ZNF469: variants seen among roughly 807,000 people sequenced by gnomAD.
The protein encoded by ZNF469 is zinc finger protein 469.
Under a neutral mutation model 1.0 loss-of-function variants are expected in ZNF469, and 1 was observed. That is an observed-to-expected ratio of 1.00 (90% CI 0.35 to 4.73). The LOEUF is 4.73. ZNF469 is among the 30% of genes most tolerant of loss of function. The pLI is 0.16. For synonymous variants in ZNF469, 2,703 were observed against 2,363.4 expected, an observed-to-expected ratio of 1.14 and a Z score of -4.17; for missense variants, 6,100 against 5,356.3, an observed-to-expected ratio of 1.14 and a Z score of -4.33.
chr16:88,229,690 G>A, the ZNF469 span, among the ~76,000 whole-genome samples: 4 of 151,576 alleles, frequency 2.6e-5, no homozygotes, highest in South Asian at 2.1e-4. Context: ...GATGCCATAC[G>A]TGTGGATGTC....
chr16:88,375,801 C>T, the ZNF469 span, among the ~76,000 whole-genome samples: 11 of 152,228 alleles, frequency 7.2e-5, no homozygotes, highest in East Asian at 5.8e-4. Flanking sequence ...AGGAAATCGT[C>T]TGACTGCCGA....
At chr16:88,130,168 C>G in the ZNF469 span, among the ~76,000 whole-genome samples, 14 of 152,188 alleles carry the variant, frequency 9.2e-5, no homozygotes, top group Non-Finnish European at 1.8e-4. Flanking sequence ...TCCCAGATGG[C>G]AGCTTGCAGC....
In ZNF469 at chr16:88,432,922, G is replaced by A; in HGVS notation, c.5452G>A (p.Asp1818Asn). ...AFQGDGAPPL[D>N]ATWPFGASPS... ...TCAGGGTGACGGGGCTCCACCTCTG[G>A]ATGCCACCTGGCCTTTTGGTGCCAG... The change falls in exon 3 of 3, where the codon GAT (aspartate) becomes AAT (asparagine). Residue 1818 changes from aspartate to asparagine, a missense_variant. Asp to Asn is a conservative substitution (Grantham distance 23). Transcript: ENST00000565624. The A allele has an allele frequency of 6.4e-7, 1 of 1,550,394 alleles. No individual in the cohort carries two copies. Among genetic ancestry groups the A allele is most frequent in the Non-Finnish European group, 8.7e-7 (1 of 1,146,976 alleles).
the ZNF469 span, among the ~76,000 whole-genome samples, chr16:88,150,073 C>G: frequency 6.6e-6 from 1 of 152,142 alleles, no homozygotes; most frequent in African/African-American, 2.4e-5. Flanking sequence ...TTTGAGAGGC[C>G]GAGGCGGGTG....
the ZNF469 span, among the ~76,000 whole-genome samples, chr16:88,286,592 C>A: frequency 6.6e-6 from 1 of 152,262 alleles, no homozygotes; most frequent in Admixed American, 6.5e-5. Flanking sequence ...TTTGTCAGTG[C>A]AGGTGGGGGA....
At chr16:88,163,812 G>C in the ZNF469 span, among the ~76,000 whole-genome samples, 1 of 151,906 alleles carries the variant, frequency 6.6e-6, no homozygotes, top group Non-Finnish European at 1.5e-5. Context: ...TGAGTGGATG[G>C]GTGGCTGGAT....
At chr16:88,214,394 C>T in the ZNF469 span, among the ~76,000 whole-genome samples, 4 of 151,792 alleles carry the variant, frequency 2.6e-5, no homozygotes, top group Non-Finnish European at 5.9e-5. Context: ...GTCAGGGTGA[C>T]TCTGGGCATT....
intron 1 of ZNF469, among the ~76,000 whole-genome samples, chr16:88,411,510 A>G (rs1270201760): frequency 5.8e-5 from 1 of 17,162 alleles, no homozygotes; most frequent in African/African-American, 1.2e-4. Flanking sequence ...GGGTGCAAGC[A>G]GGCAGGGGTG....
At chr16:88,234,857 T>C in the ZNF469 span, 1 of 152,078 alleles carries the variant, frequency 6.6e-6, no homozygotes, top group African/African-American at 2.4e-5. Context: ...CAAGCAATCG[T>C]GCCTGACTCA....
At chr16:88,324,074 G>A in the ZNF469 span, among the ~76,000 whole-genome samples, 1 of 152,202 alleles carries the variant, frequency 6.6e-6, no homozygotes, top group Non-Finnish European at 1.5e-5. Context: ...GCTGGGCTGG[G>A]GTGAGATCCG....
the ZNF469 span, chr16:88,177,931 G>C: frequency 1.3e-5 from 2 of 152,196 alleles, no homozygotes; most frequent in African/African-American, 4.8e-5. The surrounding 1 kb of genome is among the most constrained non-coding windows in gnomAD (Gnocchi z 4.8). Context: ...GGCTGGTCTT[G>C]AGCTCCTGAC....
At chr16:88,194,079 C>G in the ZNF469 span, among the ~76,000 whole-genome samples, 5 of 152,216 alleles carry the variant, frequency 3.3e-5, no homozygotes, top group African/African-American at 1.2e-4. Flanking sequence ...TGCAATCACT[C>G]TTTAAGCTCC....
At chr16:88,157,843 G>A in the ZNF469 span, among the ~76,000 whole-genome samples, 120,493 of 151,166 alleles carry the variant, frequency 0.8, 49,948 homozygotes, top group Non-Finnish European at 0.93. Flanking sequence ...TGCCATGCCC[G>A]TACAAAGTGC....
rs1465299707 is a variant in ZNF469 at position 88,434,324 on chromosome 16, C to T, written c.6854C>T (p.Ala2285Val). ...GAVSPSVAVR[A>V]TGLSSTPTGD... ...GTCTCCCCCAGCGTGGCCGTCAGGG[C>T]TACTGGCCTGTCCAGCACTCCCACC... The change falls in exon 3 of 3, where the codon GCT becomes GTT. Residue 2285 changes from alanine (A) to valine (V), a missense_variant. Ala to Val is a moderately conservative substitution (Grantham distance 64). Coordinates refer to ENST00000565624, the MANE Select transcript of ZNF469 (RefSeq NM_001367624.2). 7.1e-6 allele frequency: 11 copies of T among 1,550,224 alleles called. No individual in the cohort carries two copies. The highest frequency in any genetic ancestry group is 9.6e-6 in the Non-Finnish European group (11 of 1,146,974).
At chr16:88,420,344 A>G (rs1218533802) in intron 1 of ZNF469, among the ~76,000 whole-genome samples, 1 of 152,102 alleles carries the variant, frequency 6.6e-6, no homozygotes, top group Non-Finnish European at 1.5e-5. Context: ...GACCGTTCAC[A>G]AGGAGGAGGA....
chr16:88,256,843 C>G, the ZNF469 span, among the ~76,000 whole-genome samples: 2 of 150,640 alleles, frequency 1.3e-5, no homozygotes, highest in African/African-American at 4.9e-5. Context: ...TTCCTTCCTT[C>G]CTTTCTTCCT....
At chr16:88,147,737 T>A in the ZNF469 span, among the ~76,000 whole-genome samples, 3 of 152,110 alleles carry the variant, frequency 2.0e-5, no homozygotes, top group African/African-American at 7.3e-5. Context: ...ACTGTGAGCA[T>A]GTTGGATGCA....
At chr16:88,205,782 G>T in the ZNF469 span, among the ~76,000 whole-genome samples, 1 of 152,226 alleles carries the variant, frequency 6.6e-6, no homozygotes, top group African/African-American at 2.4e-5. The surrounding 1 kb of genome is among the most constrained non-coding windows in gnomAD (Gnocchi z 4.2). Flanking sequence ...TTTCTGAGCA[G>T]TCATGGGGGG....
At chr16:88,119,312 C>G in the ZNF469 span, among the ~76,000 whole-genome samples, 1 of 152,206 alleles carries the variant, frequency 6.6e-6, no homozygotes, top group African/African-American at 2.4e-5. Flanking sequence ...GCTTCATCCC[C>G]GCACTCTTCC....
Sources: gnomAD v4.1 joint callset for allele counts (sites outside exome capture counted in the v4.1 genomes callset) on GRCh38, gnomAD v4.1.1 for gene constraint, Gnocchi (gnomAD v3.1) non-coding constraint, MANE v1.5 for transcripts, NCBI Gene and HGNC (gene_info 2026-07-23, HGNC 2026-07-21) for gene names.